The following DLGAP5 variants were observed in gnomAD, a reference collection of about 807,000 sequenced individuals.
The protein encoded by DLGAP5 is disks large-associated protein 5.
Under a neutral mutation model 99.6 loss-of-function variants are expected in DLGAP5, and 90 were observed. That is an observed-to-expected ratio of 0.90 (90% CI 0.76 to 1.08). The LOEUF (loss-of-function observed/expected upper bound fraction) is 1.08, where lower values mean the gene tolerates loss of function less well. Among genes scored for constraint, DLGAP5 ranks in the 50% least tolerant of loss-of-function variants. DLGAP5 has a pLI of 0.00. For synonymous variants in DLGAP5, 311 were observed against 321.3 expected, an observed-to-expected ratio of 0.97 and a Z score of 0.34; for missense variants, 1,036 against 983.5, an observed-to-expected ratio of 1.05 and a Z score of -0.71.
chr14:55,154,473 A>G (rs1403845247), intron 15 of DLGAP5, 144 bp downstream of exon 15: 3 of 675,656 alleles, frequency 4.4e-6, no homozygotes, highest in Non-Finnish European at 7.4e-6. Flanking sequence ...CTCATTTATA[A>G]AAAGGGAGTA....
chr14:55,148,853 A>G (rs1353277441), intron 18 of DLGAP5, among the ~76,000 whole-genome samples: 1 of 152,228 alleles, frequency 6.6e-6, no homozygotes, highest in Non-Finnish European at 1.5e-5. Flanking sequence ...TGTGAATAAT[A>G]TGTAAATGGA....
intron 15 of DLGAP5, among the ~76,000 whole-genome samples, chr14:55,153,601 C>T (rs1882098170): frequency 6.6e-6 from 1 of 151,786 alleles, no homozygotes; most frequent in African/African-American, 2.4e-5. Flanking sequence ...AAGATATGCT[C>T]TATTTTTCTA....
In DLGAP5 at chr14:55,183,670, C is replaced by G. The variant is rs1883343586; in HGVS notation, c.322G>C (p.Glu108Gln). 1 of 1,612,740 alleles carries G rather than the reference C, an allele frequency of 6.2e-7. No individual in the cohort carries two copies. Among genetic ancestry groups the G allele is most frequent in the Non-Finnish European group, 8.5e-7 (1 of 1,179,612 alleles). ...CCTCGTTTAGCTTTCTCTCTCTGCT[C>G]TTTCAATTTTTGAAGTTGCTTTTCT... ...KEEKQLQKLK[E>Q]QREKAKRGIF... Residue 108 changes from glutamate (E) to glutamine (Q), a missense_variant, in exon 3 of 19, where the codon GAG becomes CAG. Coordinates refer to ENST00000247191, the MANE Select transcript of DLGAP5 (RefSeq NM_014750.5).
rs780768034 is a variant in DLGAP5 at position 55,169,377 on chromosome 14, TTTGAAATA to T, written c.1548+14_1548+21del. 7 of 1,432,320 alleles carry T rather than the reference TTTGAAATA, an allele frequency of 4.9e-6. No homozygotes were observed. The South Asian group carries it at 1.1e-4, about 23-fold the overall frequency. 88.7% of individuals were successfully genotyped at this position (1,432,320 alleles called of 1,614,324 possible). On this transcript the variant is annotated intron_variant, in intron 12 of 18. Coordinates refer to ENST00000247191, the MANE Select transcript of DLGAP5 (RefSeq NM_014750.5). ...AAAAAAAAAGCCCTAAGTTAATATA[TTTGAAATA>T]TTGAACCACATACCTGAAAACTAAC...
intron 13 of DLGAP5, among the ~76,000 whole-genome samples, chr14:55,159,809 T>C (rs1016630651): frequency 2.6e-5 from 4 of 151,866 alleles, no homozygotes; most frequent in African/African-American, 9.7e-5. Flanking sequence ...AGAGTAGAGG[T>C]AGGAATTCTA....
At chr14:55,153,274 G>T (rs1294876429) in intron 15 of DLGAP5, among the ~76,000 whole-genome samples, 1 of 152,176 alleles carries the variant, frequency 6.6e-6, no homozygotes, top group African/African-American at 2.4e-5. Flanking sequence ...CAGGCGCCTT[G>T]GCTCACGCCT....
chr14:55,172,921 G>A (rs1373362591), intron 10 of DLGAP5, among the ~76,000 whole-genome samples: 4 of 136,976 alleles, frequency 2.9e-5, no homozygotes, highest in African/African-American at 8.4e-5. Flanking sequence ...GGCAGAGGTT[G>A]CAAAGAGCCA....
chr14:55,156,733 T>C (rs1266128634), intron 14 of DLGAP5, among the ~76,000 whole-genome samples: 2 of 152,124 alleles, frequency 1.3e-5, no homozygotes, highest in Non-Finnish European at 2.9e-5. Context: ...TAGATGAAAG[T>C]ACCCTGAAAC....
In DLGAP5 at chr14:55,177,044, T is replaced by G. The variant is rs750485005; in HGVS notation, c.1049+18A>C. ...ACCCATCTTAGCAAGAGACTTATTA[T>G]TAAGATCATATTCTTACACTTCTGT... On this transcript the variant is annotated intron_variant, in intron 8 of 18. Coordinates refer to ENST00000247191, the MANE Select transcript of DLGAP5 (RefSeq NM_014750.5). 13 of 1,301,874 alleles carry G rather than the reference T, an allele frequency of 1.0e-5. No homozygotes were observed. Among genetic ancestry groups the G allele is most frequent in the Non-Finnish European group, 1.3e-5 (13 of 997,868 alleles). The allele number at this position is 1,301,874 out of a possible 1,614,324, so 80.6% of individuals were successfully genotyped here. A position where few individuals can be genotyped will look rare whatever the true frequency, so the allele number is the denominator to read the frequency against.
intron 2 of DLGAP5, among the ~76,000 whole-genome samples, chr14:55,186,588 ATTTG>A (rs147797668): frequency 0.2 from 30,279 of 151,938 alleles, 5,019 homozygotes; most frequent in African/African-American, 0.46. Context: ...TGCAAGCTGT[ATTTG>A]TTTATTTACT....
chr14:55,153,613 T>A (rs888988334), intron 15 of DLGAP5, among the ~76,000 whole-genome samples: 1 of 152,184 alleles, frequency 6.6e-6, no homozygotes, highest in Non-Finnish European at 1.5e-5. Context: ...ATTTTTCTAG[T>A]GTCCAGCTTT....
chr14:55,150,932 G>A (rs1437792416), intron 17 of DLGAP5, 84 bp from the exon 18 acceptor site: 3 of 896,938 alleles, frequency 3.3e-6, no homozygotes, highest in Non-Finnish European at 5.0e-6. Context: ...TGAAAAATAT[G>A]AAAAGTTCCA....
At chr14:55,190,910 C>A (rs556544029) in intron 1 of DLGAP5, among the ~76,000 whole-genome samples, 10 of 152,262 alleles carry the variant, frequency 6.6e-5, no homozygotes, top group Non-Finnish European at 1.0e-4. Context: ...AAAGAGCGAG[C>A]GAGGACAACA....
chr14:55,158,639 T>A lies in DLGAP5; in HGVS notation c.1756A>T (p.Arg586Ter). The change falls in exon 14 of 19, where the codon AGA becomes TGA. Residue 586 changes from arginine to a stop codon, truncating the protein, a stop_gained. Transcript: ENST00000247191. LOFTEE classifies it high-confidence loss of function. ...TCAGCACATTCTTCCTGCCTAATTC[T>A]CTCTCTCATTGCATTTTTTATGGCA... ...LAAIKNAMRERIRQEECAETA... is the reference protein window; with the variant it reads ...LAAIKNAMRE 1 of 1,613,796 alleles carries A rather than the reference T, an allele frequency of 6.2e-7. No homozygotes were observed. The highest frequency in any genetic ancestry group is 8.5e-7 in the Non-Finnish European group (1 of 1,179,812).
At chr14:55,178,042 G>GGAGGATCACAAGGTCGT (rs1883142519) in intron 7 of DLGAP5, among the ~76,000 whole-genome samples, 1 of 150,642 alleles carries the variant, frequency 6.6e-6, no homozygotes, top group Non-Finnish European at 1.5e-5. Context: ...CACAAGGTCG[G>GGAGGATCACAAGGTCGT]GAGATCGAGA....
At chr14:55,184,198 C>A (rs7157585) in intron 2 of DLGAP5, among the ~76,000 whole-genome samples, 12,521 of 152,076 alleles carry the variant, frequency 0.082, 1,387 homozygotes, top group African/African-American at 0.25. Context: ...AGTAACACAC[C>A]TGTAGTCCCA....
intron 13 of DLGAP5, among the ~76,000 whole-genome samples, chr14:55,159,429 AAG>A (rs1429574808): frequency 6.6e-6 from 1 of 152,220 alleles, no homozygotes; most frequent in Non-Finnish European, 1.5e-5. Context: ...ACTAAGGAGT[AAG>A]AGATGAAAAA....
chr14:55,169,669 T>A, intron 11 of DLGAP5, 110 bp from the exon 12 acceptor site: 2 of 906,228 alleles, frequency 2.2e-6, no homozygotes, highest in Non-Finnish European at 3.1e-6. Flanking sequence ...TACAGGTTGT[T>A]AAGCAAAACA....
chr14:55,155,815 G>A lies in DLGAP5; in HGVS notation c.1874-1009C>T, dbSNP rs12885154. Among the ~76,000 whole-genome samples the A allele has an allele frequency of 9.1e-4, 139 of 152,116 alleles. 1 individual carries two copies. The highest frequency in any genetic ancestry group is 2.6e-3 in the African/African-American group (110 of 41,516). ...ATCAAGAAAAATGAATTGGCCGGGCGCGGTGGCTCATGCCTGTGATCCCAG... is the reference window on the plus strand; with the variant it reads ...ATCAAGAAAAATGAATTGGCCGGGCACGGTGGCTCATGCCTGTGATCCCAG... On this transcript the variant is annotated intron_variant, in intron 14 of 18. Coordinates refer to ENST00000247191, the MANE Select transcript of DLGAP5 (RefSeq NM_014750.5).
Sources: allele counts gnomAD v4.1 joint callset (sites outside exome capture counted in the v4.1 genomes callset), GRCh38; gene constraint gnomAD v4.1.1; transcripts MANE v1.5; gene names NCBI Gene and HGNC (gene_info 2026-07-23, HGNC 2026-07-21).